The following RTN4 variants were observed in gnomAD, a reference collection of about 807,000 sequenced individuals.
RTN4 encodes the protein reticulon-4.
Under a neutral mutation model 90.4 loss-of-function variants are expected in RTN4, and 32 were observed. The observed-to-expected ratio is 0.35, with a 90% CI of 0.27 to 0.48. The LOEUF is 0.48. RTN4 is among the 20% of genes least tolerant of loss of function. The pLI, the probability that RTN4 is intolerant of heterozygous loss-of-function variation, is 0.99. For missense variants in RTN4, 1,706 were observed against 1,430.2 expected (o/e 1.19, Z -3.11); for synonymous variants, 629 against 552.5 (o/e 1.14, Z -1.94).
intron 1 of RTN4, among the ~76,000 whole-genome samples, chr2:55,081,892 A>T (rs1411656065): frequency 6.7e-6 from 1 of 150,220 alleles, no homozygotes; most frequent in African/African-American, 2.4e-5. Flanking sequence ...TGAGTGAGAG[A>T]GAGATCTATC....
the RTN4 span, among the ~76,000 whole-genome samples, chr2:55,136,798 A>G: frequency 7.9e-5 from 12 of 152,356 alleles, no homozygotes; most frequent in East Asian, 2.1e-3. Context: ...GACAGTGCAC[A>G]TCTAGATTCT....
At chr2:55,048,270 C>CT (rs1053722224) in intron 1 of RTN4, among the ~76,000 whole-genome samples, 5 of 152,172 alleles carry the variant, frequency 3.3e-5, no homozygotes, top group Admixed American at 3.3e-4. Flanking sequence ...ATGTGAAGGC[C>CT]TAGGACATTA....
In RTN4 at chr2:55,027,169, T is replaced by C. The variant is rs765099070; in HGVS notation, c.930A>G (p.Ala310=). The C allele has an allele frequency of 3.7e-6, 6 of 1,613,628 alleles. No individual in the cohort carries two copies. Among genetic ancestry groups the C allele is most frequent in the Non-Finnish European group, 4.2e-6 (5 of 1,179,850 alleles). ...GATTTGCTACTATTACGGCAGATTCTGCTTTTGGAGAGACACTGAACGATG... is the reference window on the plus strand; with the variant it reads ...GATTTGCTACTATTACGGCAGATTCCGCTTTTGGAGAGACACTGAACGATG... The part of the protein sequence containing the change: ...MGSSFSVSPK[A]ESAVIVANPR... Residue 310 remains alanine (A), a synonymous_variant, in exon 3 of 9, where the codon GCA becomes GCG. Coordinates refer to ENST00000337526, the MANE Select transcript of RTN4 (RefSeq NM_020532.5).
At chr2:54,976,633 AT>A (rs2104610928) in intron 5 of RTN4, among the ~76,000 whole-genome samples, 1 of 152,350 alleles carries the variant, frequency 6.6e-6, no homozygotes, top group African/African-American at 2.4e-5. Flanking sequence ...CAAAACAGAA[AT>A]AGTGGTTAAG....
chr2:55,070,462 C>T (rs570197128), intron 2 of RTN4, among the ~76,000 whole-genome samples: 1 of 145,038 alleles, frequency 6.9e-6, no homozygotes, highest in Non-Finnish European at 1.5e-5. Flanking sequence ...CAGAGGATCA[C>T]TTGGGCCCAA....
chr2:55,135,583 A>C, the RTN4 span, among the ~76,000 whole-genome samples: 2 of 152,246 alleles, frequency 1.3e-5, no homozygotes, highest in East Asian at 3.9e-4. Flanking sequence ...CTTTTTTTAC[A>C]CTTTACTGAA....
At position 55,099,400 on chromosome 2, in the gene RTN4, G is replaced by T. The variant is rs543180788; in HGVS notation, c.-214+13120C>A. On this transcript the variant is annotated intron_variant, in intron 1 of 3. Coordinates refer to the RTN4 transcript ENST00000427710. ...TGGCCATTGGGAGCCTCTTTAAGTT[G>T]GTTCTGCTGTCCTTTTGAGAATGAC... 2.6e-5 allele frequency among the ~76,000 whole-genome samples: 4 copies of T among 152,144 alleles called. No homozygotes were observed. In the South Asian group the frequency reaches 8.3e-4, roughly 32 times the overall value.
chr2:55,054,909 G>C (rs147233604), upstream of RTN4, among the ~76,000 whole-genome samples: 200 of 152,238 alleles, frequency 1.3e-3, no homozygotes, highest in African/African-American at 4.7e-3. Flanking sequence ...GCAGTTCATG[G>C]TTCTGTTCAA....
chr2:55,111,452 A>G (rs1668036790), intron 1 of RTN4, among the ~76,000 whole-genome samples: 1 of 152,234 alleles, frequency 6.6e-6, no homozygotes, highest in South Asian at 2.1e-4. Flanking sequence ...CTTTTGTGAC[A>G]CCTTACTCAA....
intron 2 of RTN4, among the ~76,000 whole-genome samples, chr2:55,065,618 A>G (rs2105009471): frequency 6.6e-6 from 1 of 152,352 alleles, no homozygotes; most frequent in African/African-American, 2.4e-5. Flanking sequence ...ACACGCTAAT[A>G]TAACTCAACC....
chr2:55,114,099 C>T (rs1304139533), upstream of RTN4, among the ~76,000 whole-genome samples: 6 of 152,260 alleles, frequency 3.9e-5, no homozygotes, highest in South Asian at 6.2e-4. Flanking sequence ...TACAATTTAT[C>T]GGAAAATATA....
At chr2:55,017,285 G>A (rs1181755502) in intron 3 of RTN4, among the ~76,000 whole-genome samples, 4 of 152,028 alleles carry the variant, frequency 2.6e-5, no homozygotes, top group African/African-American at 9.7e-5. Context: ...TACTTTTTCA[G>A]AAAAATATTT....
At chr2:55,048,165 T>A (rs974869709) in intron 1 of RTN4, among the ~76,000 whole-genome samples, 2 of 152,200 alleles carry the variant, frequency 1.3e-5, no homozygotes, top group Non-Finnish European at 2.9e-5. Flanking sequence ...AATAACACTG[T>A]ACAAAGGATT....
chr2:55,054,224 A>G (rs1045517694), upstream of RTN4, among the ~76,000 whole-genome samples: 3 of 152,232 alleles, frequency 2.0e-5, no homozygotes, highest in Non-Finnish European at 2.9e-5. Context: ...CATTTTCAGT[A>G]GGTGAAAAAG....
chr2:55,050,346 G>A lies in RTN4; in HGVS notation c.-46C>T. ...GCTGCAGCTGCTGCCGCCGCCGCCG[G>A]GGCCGCGTCTCAGAGCCGCGGGCGG... On this transcript the variant is annotated 5_prime_UTR_variant, in exon 1 of 9. Coordinates refer to ENST00000337526, the MANE Select transcript of RTN4 (RefSeq NM_020532.5). This position sits in a 1 kb window ranked among gnomAD's most constrained non-coding sequence, Gnocchi z 4.6. 1 of 1,293,804 alleles carries A rather than the reference G, an allele frequency of 7.7e-7. No homozygotes were observed. The allele number at this position is 1,293,804 out of a possible 1,614,324, so 80.1% of individuals were successfully genotyped here.
At chr2:55,058,499 C>T (rs1338493422) in intron 2 of RTN4, among the ~76,000 whole-genome samples, 1 of 152,190 alleles carries the variant, frequency 6.6e-6, no homozygotes, top group African/African-American at 2.4e-5. Flanking sequence ...CACTTTCAGG[C>T]TTGTCTATGC....
At chr2:55,122,475 G>A in the RTN4 span, among the ~76,000 whole-genome samples, 10,743 of 152,278 alleles carry the variant, frequency 0.071, 493 homozygotes, top group East Asian at 0.19. Flanking sequence ...GAACCCCATA[G>A]TTGGTTTAAT....
At chr2:55,135,385 T>A in the RTN4 span, among the ~76,000 whole-genome samples, 1 of 152,048 alleles carries the variant, frequency 6.6e-6, no homozygotes. Context: ...TTCTGTATTT[T>A]TAGTAGAGAT....
intron 1 of RTN4, among the ~76,000 whole-genome samples, chr2:55,095,737 T>C (rs749283776): frequency 4.6e-5 from 7 of 152,346 alleles, no homozygotes; most frequent in South Asian, 2.1e-4. Context: ...GATGGGGATC[T>C]CACTATGTTG....
Sources: gnomAD v4.1 joint callset for allele counts (sites outside exome capture counted in the v4.1 genomes callset) on GRCh38, gnomAD v4.1.1 for gene constraint, Gnocchi (gnomAD v3.1) non-coding constraint, MANE v1.5 for transcripts, NCBI Gene and HGNC (gene_info 2026-07-23, HGNC 2026-07-21) for gene names.